Variants in ARHGAP21 observed in about 807,000 individuals in gnomAD.
ARHGAP21 encodes Rho GTPase activating protein 21.
Under a neutral mutation model 164.6 loss-of-function variants are expected in ARHGAP21, and 38 were observed. The ratio of observed to expected loss-of-function variants is 0.23; its 90% CI spans 0.18 to 0.30. The LOEUF (loss-of-function observed/expected upper bound fraction) is 0.30, where lower values mean the gene tolerates loss of function less well. Ranked by LOEUF, ARHGAP21 falls within the 10% of genes least tolerant of loss-of-function variation. The probability of loss-of-function intolerance (pLI) is 1.00; values close to 1 mark genes in which losing one functional copy is unlikely to be tolerated. For synonymous variants in ARHGAP21, 766 were observed against 857.9 expected, an observed-to-expected ratio of 0.89 and a Z score of 1.87; for missense variants, 1,822 against 2,370.7, an observed-to-expected ratio of 0.77 and a Z score of 4.81.
chr10:24,589,438 A>G, intron 24 of ARHGAP21, 136 bp from the exon 25 acceptor site: 3 of 686,050 alleles, frequency 4.4e-6, no homozygotes, highest in Admixed American at 3.7e-5. Context: ...CACAGTGGAT[A>G]GTCAGAGCTC....
intron 25 of ARHGAP21, among the ~76,000 whole-genome samples, chr10:24,587,763 C>G (rs1457897589): frequency 6.6e-6 from 1 of 152,294 alleles, no homozygotes; most frequent in African/African-American, 2.4e-5. Flanking sequence ...TTAGATTATA[C>G]TGTCTTTCAG....
chr10:24,677,732 C>T (rs1441702609), intron 2 of ARHGAP21, among the ~76,000 whole-genome samples: 4 of 152,136 alleles, frequency 2.6e-5, no homozygotes, highest in Non-Finnish European at 4.4e-5. Context: ...TGACTGGATC[C>T]TCCTTTTGAG....
At chr10:24,670,447 C>A in intron 2 of ARHGAP21, 50 bp from the exon 3 acceptor site, 2 of 1,270,110 alleles carry the variant, frequency 1.6e-6, no homozygotes, top group Non-Finnish European at 2.1e-6. Flanking sequence ...AATATACTTC[C>A]TCATCTAAAA....
intron 2 of ARHGAP21, among the ~76,000 whole-genome samples, chr10:24,721,375 G>A (rs1169412034): frequency 6.6e-6 from 1 of 152,104 alleles, no homozygotes; most frequent in Non-Finnish European, 1.5e-5. Context: ...GACTCCCCTC[G>A]TCAGTACCAA....
At chr10:24,705,155 G>C (rs545904872) in intron 2 of ARHGAP21, among the ~76,000 whole-genome samples, 7 of 152,186 alleles carry the variant, frequency 4.6e-5, no homozygotes, top group African/African-American at 1.4e-4. Context: ...CTGATGATGA[G>C]ACTAACTAAT....
At chr10:24,673,929 G>C (rs1475456833) in intron 2 of ARHGAP21, among the ~76,000 whole-genome samples, 1 of 152,104 alleles carries the variant, frequency 6.6e-6, no homozygotes, top group Non-Finnish European at 1.5e-5. Flanking sequence ...ACTTCTGGAA[G>C]AAAACAGGGG....
chr10:24,691,745 T>G (rs1277307091), intron 2 of ARHGAP21, among the ~76,000 whole-genome samples: 1 of 150,404 alleles, frequency 6.6e-6, no homozygotes, highest in Non-Finnish European at 1.5e-5. Flanking sequence ...AGAATAAATG[T>G]TTTAATTGGC....
chr10:24,635,172 A>G, intron 4 of ARHGAP21, 69 bp from the exon 5 acceptor site: 1 of 957,446 alleles, frequency 1.0e-6, no homozygotes, highest in South Asian at 2.2e-5. Flanking sequence ...AATATAAAAT[A>G]GTATTTGAGA....
rs1836034097 is a variant in ARHGAP21, at chr10:24,633,432, T to C, written c.410A>G (p.Tyr137Cys). Reference protein sequence around the residue: ...VNGESVIGKTYSQVIALIQNS... With the variant: ...VNGESVIGKTCSQVIALIQNS... ...TTGAATTAAAGCAATTACTTGGGAA[T>C]AGGTTTTGCCAATAACACTTTCTCC... Residue 137 changes from tyrosine (Y) to cysteine (C), a missense_variant, in exon 6 of 26, where the codon TAT becomes TGT. Physicochemically the swap from Tyr to Cys is radical, Grantham distance 194. Around this residue, in one of 5 missense-constraint regions of ARHGAP21, gnomAD observed 1,090 missense variants for 1,378.9 expected, o/e 0.79. Coordinates refer to ENST00000396432, the MANE Select transcript of ARHGAP21 (RefSeq NM_020824.4). The C allele has an allele frequency of 2.5e-6, 4 of 1,611,186 alleles. No homozygotes were observed. Among genetic ancestry groups the C allele is most frequent in the Non-Finnish European group, 3.4e-6 (4 of 1,178,630 alleles).
intron 2 of ARHGAP21, among the ~76,000 whole-genome samples, chr10:24,708,455 G>C (rs1040740084): frequency 6.6e-6 from 1 of 152,094 alleles, no homozygotes; most frequent in African/African-American, 2.4e-5. Context: ...AAATTTATGG[G>C]GTATCATATG....
At chr10:24,690,143 GTTCA>G (rs1342075370) in intron 2 of ARHGAP21, among the ~76,000 whole-genome samples, 2 of 151,706 alleles carry the variant, frequency 1.3e-5, no homozygotes, top group African/African-American at 4.8e-5. Context: ...TCTTCTCTTT[GTTCA>G]TTATCTTTTT....
At chr10:24,615,393 T>C (rs1193820712) in intron 9 of ARHGAP21, among the ~76,000 whole-genome samples, 5 of 151,834 alleles carry the variant, frequency 3.3e-5, no homozygotes, top group Admixed American at 2.6e-4. Flanking sequence ...AACGTTGGGG[T>C]AAGAGGGAGG....
At position 24,674,724 on chromosome 10, in the gene ARHGAP21, C is replaced by T. The variant is rs117224897; in HGVS notation, c.64-4327G>A. 1.4e-4 allele frequency among the ~76,000 whole-genome samples: 21 copies of T among 152,242 alleles called. No individual in the cohort carries two copies. The East Asian group carries it at 3.9e-3, about 28-fold the overall frequency. ...ATTTTATGAAAAGTATACACACACA[C>T]ACACACGTATATACATACACACATA... On this transcript the variant is annotated intron_variant, in intron 2 of 25. Coordinates refer to ENST00000396432, the MANE Select transcript of ARHGAP21 (RefSeq NM_020824.4).
intron 4 of ARHGAP21, among the ~76,000 whole-genome samples, chr10:24,642,643 A>G (rs1208640258): frequency 2.0e-5 from 3 of 152,206 alleles, no homozygotes; most frequent in Non-Finnish European, 2.9e-5. Flanking sequence ...ATCTTCCTAA[A>G]TACCTACTTA....
chr10:24,676,753 G>C (rs142252223), intron 2 of ARHGAP21, among the ~76,000 whole-genome samples: 55 of 152,300 alleles, frequency 3.6e-4, no homozygotes, highest in African/African-American at 1.3e-3. Flanking sequence ...CTCTGGCTCT[G>C]CCATTTGCTA....
chr10:24,699,516 G>C (rs904716313), intron 2 of ARHGAP21, among the ~76,000 whole-genome samples: 6 of 152,058 alleles, frequency 3.9e-5, no homozygotes, highest in African/African-American at 1.4e-4. Flanking sequence ...GTAGAGATAG[G>C]GTTTCACCAT....
In ARHGAP21 at chr10:24,665,763, C is replaced by T. The variant is rs984696088; in HGVS notation, c.268+1222G>A. 4.6e-5 allele frequency among the ~76,000 whole-genome samples: 7 copies of T among 152,188 alleles called. No individual in the cohort carries two copies. In the East Asian group the frequency reaches 7.7e-4, roughly 17 times the overall value. On this transcript the variant is annotated intron_variant, in intron 4 of 25. Coordinates refer to ENST00000396432, the MANE Select transcript of ARHGAP21 (RefSeq NM_020824.4). ...GCAAATGTGGTATTCTTGCTAAACACGTATGACCTTGAACTAGGGAGAAAA... is the reference window on the plus strand; with the variant it reads ...GCAAATGTGGTATTCTTGCTAAACATGTATGACCTTGAACTAGGGAGAAAA...
chr10:24,637,794 T>G (rs1012433639), intron 4 of ARHGAP21, among the ~76,000 whole-genome samples: 7 of 152,166 alleles, frequency 4.6e-5, no homozygotes, highest in Non-Finnish European at 8.8e-5. Flanking sequence ...ATGGAATAGA[T>G]TAAAATAGAG....
At chr10:24,623,061 A>G (rs1834737661) in intron 7 of ARHGAP21, among the ~76,000 whole-genome samples, 1 of 152,206 alleles carries the variant, frequency 6.6e-6, no homozygotes, top group Non-Finnish European at 1.5e-5. Flanking sequence ...CTGCTGTCTG[A>G]TAACATGCTA....
Sources: allele counts gnomAD v4.1 joint callset (sites outside exome capture counted in the v4.1 genomes callset), GRCh38; gene constraint gnomAD v4.1.1; regional missense constraint gnomAD v4.1.1; transcripts MANE v1.5; gene names NCBI Gene and HGNC (gene_info 2026-07-23, HGNC 2026-07-21).